Variants in NUP210L observed in about 807,000 individuals in gnomAD.
NUP210L encodes nucleoporin 210 like.
NUP210L carries 74 observed loss-of-function variants against 208.5 expected under a neutral mutation model. That is an observed-to-expected ratio of 0.35 (90% CI 0.29 to 0.43). The LOEUF (loss-of-function observed/expected upper bound fraction) is 0.43, where lower values mean the gene tolerates loss of function less well. Among genes scored for constraint, NUP210L ranks in the 20% least tolerant of loss-of-function variants. The probability of loss-of-function intolerance (pLI) is 1.00; values close to 1 mark genes in which losing one functional copy is unlikely to be tolerated. For missense variants in NUP210L, 1,843 were observed against 2,289.4 expected (o/e 0.81, Z 3.98); for synonymous variants, 780 against 816.9 (o/e 0.95, Z 0.77).
chr1:154,126,230 G>A (rs1373628231), intron 10 of NUP210L, 93 bp downstream of exon 10: 1 of 1,005,886 alleles, frequency 9.9e-7, no homozygotes, highest in East Asian at 2.4e-5. Context: ...AAAGATAAAG[G>A]TGGTATATGC....
At chr1:154,051,045 C>A (rs1027951289) in intron 25 of NUP210L, among the ~76,000 whole-genome samples, 4 of 152,148 alleles carry the variant, frequency 2.6e-5, no homozygotes, top group Non-Finnish European at 5.9e-5. Flanking sequence ...CACTGATGAG[C>A]AACTGATGAC....
Position 154,124,048 on chromosome 1 carries a change from G to A in NUP210L, c.1326+2275C>T, listed in dbSNP as rs973346247. Among the ~76,000 whole-genome samples the A allele has an allele frequency of 4.0e-5, 6 of 151,140 alleles. No homozygotes were observed. In the East Asian group the frequency reaches 5.9e-4, roughly 15 times the overall value. ...AAAAAATTACAAAAATTAGCCGGGC[G>A]TGGTGGCACACGCCTGTAGTCCTAG... On this transcript the variant is annotated intron_variant, in intron 10 of 39. Coordinates refer to ENST00000368559, the Ensembl canonical transcript of NUP210L.
At chr1:154,123,271 G>C (rs1467707684) in intron 10 of NUP210L, among the ~76,000 whole-genome samples, 2 of 151,958 alleles carry the variant, frequency 1.3e-5, no homozygotes, top group Non-Finnish European at 2.9e-5. Context: ...TCAGCCTCCC[G>C]AGTATCCGGG....
At chr1:154,110,211 G>T (rs562797768) in intron 12 of NUP210L, among the ~76,000 whole-genome samples, 53 of 149,704 alleles carry the variant, frequency 3.5e-4, no homozygotes, top group Middle Eastern at 3.4e-3. Context: ...CTCCAGCCTG[G>T]GAAACAAGAG....
chr1:154,056,702 G>T, intron 23 of NUP210L, 113 bp downstream of exon 23: 1 of 1,098,850 alleles, frequency 9.1e-7, no homozygotes, highest in Non-Finnish European at 1.3e-6. Context: ...ATGGTGGTGT[G>T]AGCCACTGTG....
intron 27 of NUP210L, among the ~76,000 whole-genome samples, chr1:154,043,375 C>T (rs953122412): frequency 2.7e-5 from 4 of 147,450 alleles, no homozygotes; most frequent in South Asian, 2.2e-4. Context: ...AGTGCAATGG[C>T]GTAATCTCAG....
chr1:153,995,682 TA>T, intron 37 of NUP210L: 1 of 1,286,034 alleles, frequency 7.8e-7, no homozygotes, highest in Non-Finnish European at 1.1e-6. Context: ...ATACAGCCTC[TA>T]ACAAAACTAG....
intron 37 of NUP210L, among the ~76,000 whole-genome samples, chr1:153,999,582 C>G (rs1189703858): frequency 2.0e-5 from 3 of 151,612 alleles, no homozygotes; most frequent in Non-Finnish European, 4.4e-5. Flanking sequence ...TACAAAAATA[C>G]AAAAATTAGC....
intron 17 of NUP210L, among the ~76,000 whole-genome samples, chr1:154,068,572 C>T (rs537958933): frequency 1.3e-5 from 2 of 151,858 alleles, no homozygotes; most frequent in African/African-American, 2.4e-5. Context: ...CCCAGCTACT[C>T]GGGAGGCTGA....
chr1:154,018,901 A>G, intron 33 of NUP210L, 32 bp downstream of exon 33: 1 of 1,609,882 alleles, frequency 6.2e-7, no homozygotes, highest in South Asian at 1.1e-5. Context: ...TAGTCACCCT[A>G]GTCTCTTAAA....
intron 4 of NUP210L, among the ~76,000 whole-genome samples, chr1:154,141,090 T>C (rs1292236964): frequency 6.6e-6 from 1 of 152,050 alleles, no homozygotes; most frequent in Admixed American, 6.6e-5. Context: ...TCCTTGGTAC[T>C]GAAGACAAAA....
At chr1:154,099,402 T>C (rs1392142482) in intron 14 of NUP210L, among the ~76,000 whole-genome samples, 1 of 152,158 alleles carries the variant, frequency 6.6e-6, no homozygotes, top group Non-Finnish European at 1.5e-5. Flanking sequence ...CAGCCCCAGC[T>C]GCATCTCCCT....
chr1:154,007,479 C>T (rs1014592013), intron 35 of NUP210L, among the ~76,000 whole-genome samples: 3 of 151,876 alleles, frequency 2.0e-5, no homozygotes, highest in East Asian at 1.9e-4. Context: ...TGAGGCTGGT[C>T]GTGAACTCCC....
intron 36 of NUP210L, 71 bp from the exon 37 acceptor site, chr1:154,001,131 A>G: frequency 6.9e-6 from 8 of 1,154,418 alleles, no homozygotes; most frequent in Non-Finnish European, 1.0e-5. Context: ...TTCCAATCTG[A>G]AACATATACA....
chr1:154,013,839 A>G (rs1651101023), intron 33 of NUP210L, among the ~76,000 whole-genome samples: 1 of 152,138 alleles, frequency 6.6e-6, no homozygotes, highest in Admixed American at 6.6e-5. Context: ...ATTTCGGCTC[A>G]CTGCAGCCTC....
intron 28 of NUP210L, among the ~76,000 whole-genome samples, chr1:154,028,585 T>C (rs114334161): frequency 0.017 from 2,651 of 152,202 alleles, 32 homozygotes; most frequent in Non-Finnish European, 0.027. Context: ...AAACTCTGTC[T>C]CAAAATAAAT....
At chr1:154,056,688 T>C (rs1315973397) in intron 23 of NUP210L, 127 bp downstream of exon 23, 2 of 925,296 alleles carry the variant, frequency 2.2e-6, no homozygotes, top group Non-Finnish European at 3.1e-6. Flanking sequence ...CCCAAAGTGC[T>C]CACATGGTGG....
At chr1:154,124,192 G>GAAAAAAAAAA (rs71584176) in intron 10 of NUP210L, among the ~76,000 whole-genome samples, 1 of 120,108 alleles carries the variant, frequency 8.3e-6, no homozygotes. Context: ...ATCTCAAAAA[G>GAAAAAAAAAA]AAAAAAAAAA....
chr1:154,083,587 A>G (rs1655465132), intron 16 of NUP210L, among the ~76,000 whole-genome samples: 1 of 152,138 alleles, frequency 6.6e-6, no homozygotes, highest in African/African-American at 2.4e-5. Context: ...AGATAGTGTC[A>G]GAATTGAATT....
Sources: gnomAD v4.1 joint callset for allele counts (sites outside exome capture counted in the v4.1 genomes callset) on GRCh38, gnomAD v4.1.1 for gene constraint, MANE v1.5 for transcripts, NCBI Gene and HGNC (gene_info 2026-07-23, HGNC 2026-07-21) for gene names.